The following ULK4 variants were observed in gnomAD, a reference collection of about 807,000 sequenced individuals.
ULK4 encodes unc-51 like kinase 4.
A neutral mutation model predicts 160.6 loss-of-function variants in ULK4; 133 were observed. The ratio of observed to expected loss-of-function variants is 0.83; its 90% CI spans 0.72 to 0.96. The LOEUF (loss-of-function observed/expected upper bound fraction) is 0.96, where lower values mean the gene tolerates loss of function less well. ULK4 is among the 40% of genes least tolerant of loss of function. The pLI, the probability that ULK4 is intolerant of heterozygous loss-of-function variation, is 0.00. For synonymous variants in ULK4, 534 were observed against 539.8 expected (o/e 0.99, Z 0.15); for missense variants, 1,580 against 1,499.5 (o/e 1.05, Z -0.89).
At chr3:41,645,964 T>C (rs897074999) in intron 30 of ULK4, among the ~76,000 whole-genome samples, 2 of 152,214 alleles carry the variant, frequency 1.3e-5, no homozygotes, top group Admixed American at 1.3e-4. Context: ...CCTGGTCTCT[T>C]TTGATCTTTG....
At chr3:41,748,548 C>T (rs2038500654) in intron 22 of ULK4, among the ~76,000 whole-genome samples, 1 of 152,086 alleles carries the variant, frequency 6.6e-6, no homozygotes, top group Non-Finnish European at 1.5e-5. Context: ...TTAAAGACCA[C>T]TTCATTTTTA....
intron 32 of ULK4, among the ~76,000 whole-genome samples, chr3:41,485,049 T>G (rs2084475045): frequency 6.6e-6 from 1 of 152,198 alleles, no homozygotes; most frequent in African/African-American, 2.4e-5. Flanking sequence ...CATGGTTCTT[T>G]CCATGTGCCA....
At chr3:41,257,968 T>G (rs1276680332) in intron 35 of ULK4, among the ~76,000 whole-genome samples, 1 of 152,320 alleles carries the variant, frequency 6.6e-6, no homozygotes, top group East Asian at 1.9e-4. Context: ...TATTGTATAC[T>G]ATGATACCAA....
intron 35 of ULK4, among the ~76,000 whole-genome samples, chr3:41,275,196 G>A (rs1024540035): frequency 3.3e-5 from 5 of 152,220 alleles, no homozygotes; most frequent in Non-Finnish European, 5.9e-5. Context: ...AGTTACTCAT[G>A]TGTCATTGCT....
intron 34 of ULK4, among the ~76,000 whole-genome samples, chr3:41,412,398 GTT>G (rs36026491): frequency 1.2e-4 from 17 of 139,054 alleles, no homozygotes; most frequent in African/African-American, 3.1e-4. Flanking sequence ...AATCCCCCAA[GTT>G]TTTTTTTTTT....
intron 35 of ULK4, among the ~76,000 whole-genome samples, chr3:41,301,802 T>C (rs2079805686): frequency 6.6e-6 from 1 of 152,230 alleles, no homozygotes; most frequent in African/African-American, 2.4e-5. Flanking sequence ...AAGTGAGTCA[T>C]TACTCTTGGG....
At chr3:41,846,726 G>T (rs1425148154) in intron 17 of ULK4, among the ~76,000 whole-genome samples, 8 of 151,066 alleles carry the variant, frequency 5.3e-5, no homozygotes, top group Admixed American at 4.6e-4. Context: ...GATCACTTGA[G>T]CCTGGGAGGG....
At chr3:41,403,711 C>G (rs1361952323) in intron 34 of ULK4, among the ~76,000 whole-genome samples, 1 of 151,908 alleles carries the variant, frequency 6.6e-6, no homozygotes, top group Non-Finnish European at 1.5e-5. Flanking sequence ...CCTTTTACAC[C>G]TTTTGTCTAT....
rs1198779161 is a variant in ULK4, at chr3:41,882,425, C to T, written c.1656+1449G>A. On this transcript the variant is annotated intron_variant, in intron 17 of 36. Coordinates refer to ENST00000301831, the MANE Select transcript of ULK4 (RefSeq NM_017886.4). Reference sequence around the variant, plus strand: ...AGTTGATCATCTCAATTCAGACTAGCTTTTCTTCAAGCACTCAATAGCCAT... The same window carrying T: ...AGTTGATCATCTCAATTCAGACTAGTTTTTCTTCAAGCACTCAATAGCCAT... 5 of 628,624 alleles carry T rather than the reference C, an allele frequency of 8.0e-6. No individual in the cohort carries two copies. The East Asian group carries it at 1.1e-4, about 14-fold the overall frequency. 38.9% of individuals were successfully genotyped at this position (628,624 alleles called of 1,614,324 possible). A position where few individuals can be genotyped will look rare whatever the true frequency, so the allele number is the denominator to read the frequency against.
chr3:41,939,006 C>T (rs1699867031), intron 2 of ULK4, among the ~76,000 whole-genome samples: 2 of 152,036 alleles, frequency 1.3e-5, no homozygotes, highest in South Asian at 4.1e-4. Flanking sequence ...GACAAAATAT[C>T]GTCAACATTA....
At chr3:41,800,324 G>A (rs1381189011) in intron 19 of ULK4, 31 bp from the exon 20 acceptor site, 6 of 1,558,264 alleles carry the variant, frequency 3.9e-6, no homozygotes, top group South Asian at 1.2e-5. Context: ...AATAATATTA[G>A]TGTGAGAAAT....
At chr3:41,345,582 T>C (rs770801136) in intron 35 of ULK4, among the ~76,000 whole-genome samples, 6 of 152,064 alleles carry the variant, frequency 3.9e-5, no homozygotes, top group Non-Finnish European at 7.4e-5. Context: ...GATGAGAACA[T>C]ATGGACACAT....
At chr3:41,479,912 A>C (rs1472045014) in intron 32 of ULK4, among the ~76,000 whole-genome samples, 1 of 152,242 alleles carries the variant, frequency 6.6e-6, no homozygotes, top group Non-Finnish European at 1.5e-5. Flanking sequence ...ATTTGTATAT[A>C]AAAGTATCAT....
chr3:41,677,300 T>TC (rs2035754678), intron 29 of ULK4, among the ~76,000 whole-genome samples: 1 of 151,846 alleles, frequency 6.6e-6, no homozygotes, highest in Non-Finnish European at 1.5e-5. Flanking sequence ...CCACATGTGA[T>TC]AGGCACTAAA....
At chr3:41,280,890 C>T (rs975753983) in intron 35 of ULK4, among the ~76,000 whole-genome samples, 1 of 151,736 alleles carries the variant, frequency 6.6e-6, no homozygotes, top group Non-Finnish European at 1.5e-5. Flanking sequence ...TTGAAAAGAG[C>T]AACAAAATAG....
At chr3:41,301,085 C>T (rs1243332902) in intron 35 of ULK4, among the ~76,000 whole-genome samples, 1 of 151,308 alleles carries the variant, frequency 6.6e-6, no homozygotes, top group Non-Finnish European at 1.5e-5. Flanking sequence ...TCAAAGGAGG[C>T]TGCTGTATTT....
chr3:41,939,861 T>A (rs984817262), intron 2 of ULK4, among the ~76,000 whole-genome samples: 1 of 152,054 alleles, frequency 6.6e-6, no homozygotes, highest in African/African-American at 2.4e-5. Flanking sequence ...TTGTGAACTG[T>A]GCATAGGAGG....
chr3:41,923,636 CTG>C (rs1237921415), intron 5 of ULK4, among the ~76,000 whole-genome samples: 3 of 152,178 alleles, frequency 2.0e-5, no homozygotes, highest in African/African-American at 2.4e-5. Flanking sequence ...AGCAAAAGCA[CTG>C]ATGAATTTCT....
intron 31 of ULK4, among the ~76,000 whole-genome samples, chr3:41,588,939 G>A (rs1183388962): frequency 6.6e-6 from 1 of 152,098 alleles, no homozygotes; most frequent in Non-Finnish European, 1.5e-5. Context: ...TGTGTCCAGT[G>A]CCAGCTAGTG....
Sources: allele counts gnomAD v4.1 joint callset (sites outside exome capture counted in the v4.1 genomes callset), GRCh38; gene constraint gnomAD v4.1.1; transcripts MANE v1.5; gene names NCBI Gene and HGNC (gene_info 2026-07-23, HGNC 2026-07-21).